The following CD2AP variants were observed in gnomAD, a reference collection of about 807,000 sequenced individuals.
The protein encoded by CD2AP is CD2-associated protein.
A neutral mutation model predicts 85.1 loss-of-function variants in CD2AP; 46 were observed. That is an observed-to-expected ratio of 0.54 (90% CI 0.43 to 0.69). The LOEUF is 0.69. CD2AP is among the 30% of genes least tolerant of loss of function. The pLI is 0.00. For synonymous variants in CD2AP, 255 were observed against 252.9 expected (o/e 1.01, Z -0.08); for missense variants, 769 against 729.5 (o/e 1.05, Z -0.62).
intron 12 of CD2AP, 118 bp from the exon 13 acceptor site, chr6:47,599,183 T>C (rs1042518520): frequency 8.5e-6 from 7 of 822,876 alleles, no homozygotes; most frequent in Non-Finnish European, 6.0e-6. Flanking sequence ...GGAAATGGTT[T>C]TACAGAACAG....
At chr6:47,512,544 T>C (rs1037897424) in intron 2 of CD2AP, among the ~76,000 whole-genome samples, 4 of 152,260 alleles carry the variant, frequency 2.6e-5, no homozygotes, top group African/African-American at 9.6e-5. Context: ...TGAAAAACTT[T>C]AGACACCATA....
intron 11 of CD2AP, among the ~76,000 whole-genome samples, chr6:47,590,431 A>AAAATATGG (rs1768762433): frequency 1.3e-5 from 2 of 152,160 alleles, no homozygotes. Context: ...AAAAAGATAG[A>AAAATATGG]AAATATGGAA....
chr6:47,581,025 A>G lies in CD2AP; in HGVS notation c.1045+125A>G, dbSNP rs542328291. The G allele has an allele frequency of 6.9e-6, 5 of 725,884 alleles. No homozygotes were observed. In the East Asian group the frequency reaches 1.3e-4, roughly 19 times the overall value. The allele number at this position is 725,884 out of a possible 1,614,324, so 45.0% of individuals were successfully genotyped here. A position where few individuals can be genotyped will look rare whatever the true frequency, so the allele number is the denominator to read the frequency against. Reference sequence around the variant, plus strand: ...ATGATGTCTGTAAACATTTTTAGAAATATATGAAAATTGAGTGTTCACATG... The same window carrying G: ...ATGATGTCTGTAAACATTTTTAGAAGTATATGAAAATTGAGTGTTCACATG... On this transcript the variant is annotated intron_variant, in intron 10 of 17. Transcript: ENST00000359314.
chr6:47,522,409 T>TA (rs1477702250), intron 2 of CD2AP, among the ~76,000 whole-genome samples: 1 of 152,236 alleles, frequency 6.6e-6, no homozygotes, highest in Non-Finnish European at 1.5e-5. Context: ...TGGTACTACT[T>TA]ACTTTACAAC....
chr6:47,583,903 C>T (rs1768550916), intron 11 of CD2AP, among the ~76,000 whole-genome samples: 1 of 152,186 alleles, frequency 6.6e-6, no homozygotes, highest in Non-Finnish European at 1.5e-5. Flanking sequence ...AATTTCTGTT[C>T]TACGTTCTAG....
At chr6:47,556,041 T>G (rs866911003) in intron 5 of CD2AP, among the ~76,000 whole-genome samples, 2 of 146,600 alleles carry the variant, frequency 1.4e-5, no homozygotes, top group Non-Finnish European at 3.0e-5. Flanking sequence ...AGAATGCAAT[T>G]TTTTTTTCCT....
intron 2 of CD2AP, among the ~76,000 whole-genome samples, chr6:47,511,552 G>A (rs1766313596): frequency 6.6e-6 from 1 of 152,166 alleles, no homozygotes; most frequent in Admixed American, 6.5e-5. Context: ...GTGGAATGTG[G>A]TTATACACAC....
rs759309620 is a variant in CD2AP at position 47,576,596 on chromosome 6, A to T, written c.802A>T (p.Ile268Phe). The T allele has an allele frequency of 4.7e-5, 76 of 1,604,456 alleles. No homozygotes were observed. The Admixed American group carries it at 1.2e-3, about 26-fold the overall frequency. The change falls in exon 7 of 18, where the codon ATT (isoleucine) becomes TTT (phenylalanine). Residue 268 changes from isoleucine to phenylalanine, a missense_variant. Transcript: ENST00000359314. ...EITKTDTEGK[I>F]KAKEYCRTLF... is the part of the protein sequence containing the mutation. The stretch of plus-strand genomic sequence containing the variant: ...AACAAAAACAGATACCGAAGGTAAA[A>T]TTAAAGGTATGTTTTTGAATAAAGC...
intron 6 of CD2AP, among the ~76,000 whole-genome samples, chr6:47,574,970 G>C (rs6917070): frequency 2.0e-5 from 3 of 152,132 alleles, no homozygotes; most frequent in Non-Finnish European, 4.4e-5. Flanking sequence ...TTTGATTCGT[G>C]TAGCTACATC....
intron 1 of CD2AP, among the ~76,000 whole-genome samples, chr6:47,501,667 T>G (rs754448100): frequency 1.4e-4 from 18 of 128,560 alleles, no homozygotes; most frequent in Non-Finnish European, 2.3e-4. Context: ...TGGTTGTTGG[T>G]GTGTGTGTGT....
At chr6:47,504,031 C>G (rs895329747) in intron 2 of CD2AP, among the ~76,000 whole-genome samples, 2 of 152,226 alleles carry the variant, frequency 1.3e-5, no homozygotes, top group Non-Finnish European at 2.9e-5. Flanking sequence ...TCTTCTTCAA[C>G]TACTACCAAA....
At chr6:47,585,366 G>A (rs1335877977) in intron 11 of CD2AP, among the ~76,000 whole-genome samples, 3 of 152,058 alleles carry the variant, frequency 2.0e-5, no homozygotes, top group African/African-American at 7.2e-5. Context: ...CCTGCCCATG[G>A]TGGAATGACA....
In CD2AP at chr6:47,625,284, C is replaced by T. The variant is rs569900276; in HGVS notation, c.*1057C>T. The stretch of plus-strand genomic sequence containing the variant: ...TTAACTTGTAAATACTCAGGTTTTA[C>T]GATGTATAATTTACCTAATAGACCA... On this transcript the variant is annotated 3_prime_UTR_variant, in exon 18 of 18. Transcript: ENST00000359314. The T allele has an allele frequency of 5.3e-5, 8 of 151,738 alleles. No homozygotes were observed. Among genetic ancestry groups the T allele is most frequent in the Non-Finnish European group, 1.0e-4 (7 of 67,754 alleles). The allele number at this position is 151,738 out of a possible 1,614,324, so 9.4% of individuals were successfully genotyped here.
At chr6:47,492,394 C>T (rs1053838020) in intron 1 of CD2AP, among the ~76,000 whole-genome samples, 1 of 136,500 alleles carries the variant, frequency 7.3e-6, no homozygotes, top group Non-Finnish European at 1.5e-5. Context: ...GCTCTGTTTC[C>T]CAGGCTGGAG....
chr6:47,478,159 CCAGCCGCG>C lies in CD2AP; in HGVS notation c.-85_-78del, dbSNP rs544576186. On this transcript the variant is annotated 5_prime_UTR_variant, in exon 1 of 18. Transcript: ENST00000359314. ...CTAGCGCGGAGCGCGGGTCCCGCCT[CCAGCCGCG>C]GGAGCGGCCGCGCGAGCCACCACTG... 182 of 1,527,280 alleles carry C rather than the reference CCAGCCGCG, an allele frequency of 1.2e-4. No homozygotes were observed. The African/African-American group carries it at 2.2e-3, about 18-fold the overall frequency. 94.6% of individuals were successfully genotyped at this position (1,527,280 alleles called of 1,614,324 possible).
At chr6:47,585,676 A>ATC (rs1356448135) in intron 11 of CD2AP, among the ~76,000 whole-genome samples, 1 of 152,192 alleles carries the variant, frequency 6.6e-6, no homozygotes, top group Non-Finnish European at 1.5e-5. Flanking sequence ...GAGTACTCAG[A>ATC]TCTGTAGACA....
At chr6:47,537,904 T>C (rs1767096888) in intron 3 of CD2AP, among the ~76,000 whole-genome samples, 1 of 151,616 alleles carries the variant, frequency 6.6e-6, no homozygotes, top group Admixed American at 6.6e-5. Flanking sequence ...AACACGCCAC[T>C]GCACCTGGCT....
chr6:47,607,623 T>TAAA (rs1331428259), intron 14 of CD2AP, among the ~76,000 whole-genome samples: 5 of 152,150 alleles, frequency 3.3e-5, no homozygotes, highest in Non-Finnish European at 7.4e-5. Flanking sequence ...ATGCTTTTTC[T>TAAA]ACATTGCCTG....
chr6:47,626,148 T>G lies in CD2AP; in HGVS notation c.*1921T>G, dbSNP rs1769900620. On this transcript the variant is annotated 3_prime_UTR_variant, in exon 18 of 18. Coordinates refer to ENST00000359314, the MANE Select transcript of CD2AP (RefSeq NM_012120.3). ...AGCAGATTTCAGGCTGTTCTTAAAG[T>G]TTTTGTTGGTCATTTTCTCAATAGT... is the stretch of plus-strand genomic sequence containing the variant. 1 of 151,942 alleles carries G rather than the reference T, an allele frequency of 6.6e-6. No individual in the cohort carries two copies. Among genetic ancestry groups the G allele is most frequent in the South Asian group, 2.1e-4 (1 of 4,828 alleles). 9.4% of individuals were successfully genotyped at this position (151,942 alleles called of 1,614,324 possible).
Sources: gnomAD v4.1 joint callset for allele counts (sites outside exome capture counted in the v4.1 genomes callset) on GRCh38, gnomAD v4.1.1 for gene constraint, MANE v1.5 for transcripts, NCBI Gene and HGNC (gene_info 2026-07-23, HGNC 2026-07-21) for gene names.